The following NEDD4 variants were observed in gnomAD, a reference collection of about 807,000 sequenced individuals.
The protein encoded by NEDD4 is E3 ubiquitin-protein ligase NEDD4.
NEDD4 carries 99 observed loss-of-function variants against 144.9 expected under a neutral mutation model. The ratio of observed to expected loss-of-function variants is 0.68; its 90% CI spans 0.58 to 0.81. NEDD4 has a LOEUF of 0.81. Ranked by LOEUF, NEDD4 falls within the 30% of genes least tolerant of loss-of-function variation. The pLI is 0.00. For synonymous variants in NEDD4, 318 were observed against 350.6 expected (o/e 0.91, Z 1.04); for missense variants, 985 against 1,065.9 (o/e 0.92, Z 1.06).
chr15:55,905,133 A>G (rs2036048273), intron 5 of NEDD4: 1 of 321,392 alleles, frequency 3.1e-6, no homozygotes, highest in Non-Finnish European at 6.1e-6. Context: ...CAGGCATTTC[A>G]TTTACTGCAA....
chr15:55,962,013 T>G (rs2037435598), intron 2 of NEDD4, among the ~76,000 whole-genome samples: 1 of 152,188 alleles, frequency 6.6e-6, no homozygotes, highest in African/African-American at 2.4e-5. Flanking sequence ...CGGTGGGAGT[T>G]TTAAAAAGTT....
At chr15:55,889,190 C>A (rs1351413895) in intron 5 of NEDD4, among the ~76,000 whole-genome samples, 1 of 152,104 alleles carries the variant, frequency 6.6e-6, no homozygotes, top group African/African-American at 2.4e-5. Context: ...AATAGAACGA[C>A]CATATAATCC....
chr15:55,945,750 C>T (rs988882792), intron 4 of NEDD4, among the ~76,000 whole-genome samples: 4 of 151,898 alleles, frequency 2.6e-5, no homozygotes, highest in South Asian at 2.1e-4. Context: ...ATGTTAAGGG[C>T]GGCCACAGAG....
At chr15:55,926,106 A>ATTTT in intron 4 of NEDD4, among the ~76,000 whole-genome samples, 1 of 152,102 alleles carries the variant, frequency 6.6e-6, no homozygotes, top group African/African-American at 2.4e-5. Flanking sequence ...CATGTATATG[A>ATTTT]TACATACGTA....
chr15:55,870,543 T>TCG (rs1485270359), intron 7 of NEDD4, among the ~76,000 whole-genome samples: 1 of 145,668 alleles, frequency 6.9e-6, no homozygotes, highest in Non-Finnish European at 1.5e-5. Flanking sequence ...TTTTTTTTTT[T>TCG]TTTGTTTTGA....
At chr15:55,860,363 A>C (rs2094880016) in intron 11 of NEDD4, 44 bp downstream of exon 11, 4 of 1,588,952 alleles carry the variant, frequency 2.5e-6, no homozygotes, top group Non-Finnish European at 3.4e-6. Flanking sequence ...TAATATGCAT[A>C]ATATAAACTA....
At chr15:55,868,385 G>A (rs1236198772) in intron 8 of NEDD4, among the ~76,000 whole-genome samples, 1 of 152,180 alleles carries the variant, frequency 6.6e-6, no homozygotes. Context: ...ATATGGTTTG[G>A]CTGTGTCCCC....
intron 4 of NEDD4, among the ~76,000 whole-genome samples, chr15:55,935,788 A>C (rs1327329799): frequency 2.0e-5 from 3 of 147,904 alleles, no homozygotes; most frequent in Non-Finnish European, 4.5e-5. Context: ...CAGAGGTTGC[A>C]GTGAGTTGAG....
chr15:55,915,984 CTTG>C (rs2036428724), intron 5 of NEDD4: 4 of 1,613,594 alleles, frequency 2.5e-6, no homozygotes, highest in African/African-American at 1.3e-5. Context: ...AGTACACAGA[CTTG>C]TTGGAGAAGT....
At chr15:55,833,644 G>C (rs186288084) in intron 26 of NEDD4, among the ~76,000 whole-genome samples, 2 of 152,302 alleles carry the variant, frequency 1.3e-5, no homozygotes, top group Admixed American at 6.5e-5. Context: ...CTGGGAGACA[G>C]AGCGAGACTC....
intron 8 of NEDD4, among the ~76,000 whole-genome samples, chr15:55,867,280 T>C (rs765872178): frequency 6.6e-6 from 1 of 152,208 alleles, no homozygotes; most frequent in Admixed American, 6.5e-5. Flanking sequence ...CACAGATTCA[T>C]GTGTTTGAAT....
At chr15:55,848,122 G>T (rs1388328357) in intron 17 of NEDD4, among the ~76,000 whole-genome samples, 3 of 152,256 alleles carry the variant, frequency 2.0e-5, no homozygotes, top group African/African-American at 4.8e-5. Context: ...GAGCTCAGCA[G>T]CCCACACTGC....
At chr15:55,848,967 A>G (rs1437027963) in intron 14 of NEDD4, 81 bp from the exon 15 acceptor site, 8 of 990,534 alleles carry the variant, frequency 8.1e-6, no homozygotes, top group African/African-American at 3.2e-5. Context: ...GTTTTCTAAC[A>G]TCAATGGATA....
At position 55,830,011 on chromosome 15, in the gene NEDD4, GA is replaced by G. The variant is rs2032869263; in HGVS notation, c.2601-13del. ...CCAGGCGATTAAAACTGAAAGAACA[GA>G]GAGGAAGTGGTTATGAAAGACACTG... On this transcript the variant is annotated splice_polypyrimidine_tract_variant and intron_variant, in intron 28 of 28. Coordinates refer to ENST00000435532, the MANE Select transcript of NEDD4 (RefSeq NM_006154.4). The G allele has an allele frequency of 2.5e-6, 4 of 1,593,854 alleles. No individual in the cohort carries two copies. In the South Asian group the frequency reaches 4.5e-5, roughly 18 times the overall value.
chr15:55,848,033 T>A (rs1199082522), intron 17 of NEDD4, among the ~76,000 whole-genome samples: 1 of 152,158 alleles, frequency 6.6e-6, no homozygotes, highest in Non-Finnish European at 1.5e-5. Flanking sequence ...TGCTTCCTCA[T>A]CCGCATACAC....
chr15:55,922,237 A>T (rs1356469918), intron 5 of NEDD4, among the ~76,000 whole-genome samples: 10 of 152,258 alleles, frequency 6.6e-5, no homozygotes, highest in Non-Finnish European at 1.5e-5. Context: ...ATAGAAAATT[A>T]TGCATCATTG....
chr15:55,860,551 ATCTTC>A lies in NEDD4; in HGVS notation c.811_815del (p.Glu271Ter). The A allele has an allele frequency of 1.9e-6, 3 of 1,614,036 alleles. No homozygotes were observed. The highest frequency in any genetic ancestry group is 2.5e-6 in the Non-Finnish European group (3 of 1,179,948). On this transcript the variant is annotated frameshift_variant, in exon 11 of 29. Transcript: ENST00000435532. LOFTEE classifies it high-confidence loss of function. ...CCTGGTTGCTATACATGGTGGCTTC[ATCTTC>A]TCTTATAATTTCCCAGTTCTAAAAT...
intron 1 of NEDD4, among the ~76,000 whole-genome samples, chr15:55,992,586 C>T (rs1381174385): frequency 1.3e-5 from 2 of 152,192 alleles, no homozygotes; most frequent in Non-Finnish European, 2.9e-5. Flanking sequence ...TTTTTTCACT[C>T]GGAACCAGTC....
intron 5 of NEDD4, among the ~76,000 whole-genome samples, chr15:55,876,631 C>T (rs1320910643): frequency 1.3e-5 from 2 of 151,704 alleles, no homozygotes; most frequent in African/African-American, 2.4e-5. Flanking sequence ...CTGACTAACC[C>T]AAAATAAGGC....
Sources: gnomAD v4.1 joint callset for allele counts (sites outside exome capture counted in the v4.1 genomes callset) on GRCh38, gnomAD v4.1.1 for gene constraint, MANE v1.5 for transcripts, NCBI Gene and HGNC (gene_info 2026-07-23, HGNC 2026-07-21) for gene names.